KLHL22: variants seen among roughly 807,000 people sequenced by gnomAD.
The protein encoded by KLHL22 is kelch like family member 22.
Under a neutral mutation model 60.7 loss-of-function variants are expected in KLHL22, and 18 were observed. The observed-to-expected ratio is 0.30, with a 90% CI of 0.20 to 0.44. KLHL22 has a LOEUF of 0.44. KLHL22 is among the 20% of genes least tolerant of loss of function. KLHL22 has a pLI of 1.00. For missense variants in KLHL22, 596 were observed against 852.3 expected (o/e 0.70, Z 3.74); for synonymous variants, 355 against 354.5 (o/e 1.00, Z -0.01).
intron 5 of KLHL22, among the ~76,000 whole-genome samples, chr22:20,449,156 G>A (rs1048117670): frequency 6.6e-6 from 1 of 151,864 alleles, no homozygotes. Flanking sequence ...TGCCTCCTGG[G>A]TTCACACCAT....
chr22:20,450,676 G>A, intron 5 of KLHL22: 2 of 1,520,068 alleles, frequency 1.3e-6, no homozygotes, highest in Non-Finnish European at 1.8e-6. Flanking sequence ...CAAGTGCGAT[G>A]AAATTCAGGT....
chr22:20,489,304 C>A, intron 1 of KLHL22, 60 bp from the exon 2 acceptor site: 1 of 1,229,312 alleles, frequency 8.1e-7, no homozygotes. Flanking sequence ...CCACCACACA[C>A]AGACTGGCCA....
rs1569150590 is a variant in KLHL22 at position 20,494,536 on chromosome 22, AC to A, written c.-34+1223del. Among the ~76,000 whole-genome samples, 3 of 152,062 alleles carry A rather than the reference AC, an allele frequency of 2.0e-5. 1 individual carries two copies. The highest frequency in any genetic ancestry group is 4.4e-5 in the Non-Finnish European group (3 of 68,012). ...GCTGGGATTACAAGCACGTGTCACC[AC>A]ACCCAGCTAATTTTTGTATTTTTAG... On this transcript the variant is annotated intron_variant, in intron 1 of 6. Coordinates refer to ENST00000328879, the MANE Select transcript of KLHL22 (RefSeq NM_032775.4).
Position 20,471,448 on chromosome 22 carries a change from T to C in KLHL22, c.295A>G (p.Asn99Asp), listed in dbSNP as rs932409642. The C allele has an allele frequency of 5.0e-6, 8 of 1,614,206 alleles. No individual in the cohort carries two copies. The highest frequency in any genetic ancestry group is 5.9e-6 in the Non-Finnish European group (7 of 1,180,026). The change falls in exon 3 of 7, where the codon AAT (asparagine) becomes GAT (aspartate). Residue 99 changes from asparagine (N) to aspartate (D), a missense_variant. Asn to Asp is a conservative substitution (Grantham distance 23). Coordinates refer to ENST00000328879, the MANE Select transcript of KLHL22 (RefSeq NM_032775.4). ...EEVLIHGVSY[N>D]AMCQILHFIY... ...AAATGTAGGATTTGGCACATAGCAT[T>C]GTAGGACACACCGTGGATCAGGACC... is the stretch of plus-strand genomic sequence containing the variant.
intron 5 of KLHL22, among the ~76,000 whole-genome samples, chr22:20,447,255 G>A (rs895847158): frequency 2.0e-5 from 3 of 152,154 alleles, no homozygotes; most frequent in Admixed American, 2.0e-4. Context: ...CCCCCATCAT[G>A]GGCACCTCTT....
intron 3 of KLHL22, among the ~76,000 whole-genome samples, chr22:20,467,920 A>T (rs1601355655): frequency 6.6e-6 from 1 of 152,314 alleles, no homozygotes; most frequent in South Asian, 2.1e-4. Context: ...GGCCTCCCAA[A>T]GTGCTGGGAT....
intron 2 of KLHL22, among the ~76,000 whole-genome samples, chr22:20,479,417 G>A (rs565370072): frequency 3.3e-5 from 5 of 152,186 alleles, no homozygotes; most frequent in African/African-American, 4.8e-5. Flanking sequence ...GCCGGATATG[G>A]TGGTTCACAT....
chr22:20,472,803 A>G lies in KLHL22; in HGVS notation c.228-1288T>C, dbSNP rs535998294. ...ATCTGACCTGAGAGTCACTGGTTAG[A>G]AGAGGGGTAGGTGGAATGATGAGAA... is the stretch of plus-strand genomic sequence containing the variant. On this transcript the variant is annotated intron_variant, in intron 2 of 6. Transcript: ENST00000328879. 5.3e-5 allele frequency among the ~76,000 whole-genome samples: 8 copies of G among 152,260 alleles called. No individual in the cohort carries two copies. In the East Asian group the frequency reaches 1.5e-3, roughly 29 times the overall value.
rs552005811 is a variant in KLHL22, at chr22:20,450,427, C to T, written c.1306-3751G>A. ...CAGTACATGTGACATGGAGAATGTA[C>T]AGGAACTGCTTCCTGCAGCCTGTCT... On this transcript the variant is annotated intron_variant, in intron 5 of 6. Transcript: ENST00000328879. 918 of 1,540,100 alleles carry T rather than the reference C, an allele frequency of 6.0e-4. 1 individual carries two copies. Among genetic ancestry groups the T allele is most frequent in the Non-Finnish European group, 5.6e-4 (627 of 1,112,528 alleles).
At chr22:20,442,496 C>T (rs967662972) in intron 6 of KLHL22, 58 bp from the exon 7 acceptor site, 5 of 1,502,008 alleles carry the variant, frequency 3.3e-6, no homozygotes, top group Admixed American at 4.3e-5. Flanking sequence ...CTGCCAGCTC[C>T]CCCACAAGCC....
At chr22:20,484,349 C>A (rs1008814386) in intron 2 of KLHL22, among the ~76,000 whole-genome samples, 4 of 152,116 alleles carry the variant, frequency 2.6e-5, no homozygotes, top group African/African-American at 4.8e-5. Context: ...GTCTGGAGTG[C>A]AGTGACGCGA....
At chr22:20,443,478 C>G (rs952132275) in intron 6 of KLHL22, among the ~76,000 whole-genome samples, 5 of 152,174 alleles carry the variant, frequency 3.3e-5, no homozygotes, top group African/African-American at 1.2e-4. Context: ...TGGTGGCTCA[C>G]GCCTGTAATC....
intron 3 of KLHL22, among the ~76,000 whole-genome samples, chr22:20,467,000 A>G (rs1301852758): frequency 6.6e-6 from 1 of 152,260 alleles, no homozygotes; most frequent in Non-Finnish European, 1.5e-5. Context: ...GGAGAATAGG[A>G]GACAAAGGGA....
At chr22:20,471,832 G>A (rs189932222) in intron 2 of KLHL22, among the ~76,000 whole-genome samples, 99 of 152,298 alleles carry the variant, frequency 6.5e-4, no homozygotes, top group Admixed American at 4.2e-3. Context: ...TTCCTGGATC[G>A]GAGCAGTAGC....
intron 5 of KLHL22, among the ~76,000 whole-genome samples, chr22:20,455,334 G>A (rs186920614): frequency 3.9e-5 from 6 of 152,302 alleles, no homozygotes; most frequent in Non-Finnish European, 7.3e-5. Flanking sequence ...CCCAGACCAC[G>A]CAATGACCCA....
At chr22:20,460,792 T>G in intron 4 of KLHL22, among the ~76,000 whole-genome samples, 1 of 152,312 alleles carries the variant, frequency 6.6e-6, no homozygotes, top group Middle Eastern at 3.4e-3. Context: ...CAAGTAATAT[T>G]TTTCTAATAA....
At chr22:20,458,839 CT>C (rs777865309) in intron 4 of KLHL22, among the ~76,000 whole-genome samples, 4 of 152,200 alleles carry the variant, frequency 2.6e-5, no homozygotes, top group Non-Finnish European at 4.4e-5. Context: ...CTCCCCTCCA[CT>C]CAAGGTCTCC....
chr22:20,443,770 G>A (rs1391781205), intron 6 of KLHL22, among the ~76,000 whole-genome samples: 4 of 151,774 alleles, frequency 2.6e-5, no homozygotes, highest in African/African-American at 4.8e-5. Context: ...AGGGGAGGCC[G>A]GGGGTGGTGG....
intron 5 of KLHL22, chr22:20,450,105 T>G: frequency 1.3e-6 from 1 of 772,802 alleles, no homozygotes; most frequent in South Asian, 1.4e-5. Context: ...ATTTTTGTTC[T>G]TTCTCCGCAC....
Sources: allele counts gnomAD v4.1 joint callset (sites outside exome capture counted in the v4.1 genomes callset), GRCh38; gene constraint gnomAD v4.1.1; transcripts MANE v1.5; gene names NCBI Gene and HGNC (gene_info 2026-07-23, HGNC 2026-07-21).